ACAD9: variants seen among roughly 807,000 people sequenced by gnomAD.
The protein encoded by ACAD9 is complex I assembly factor ACAD9, mitochondrial.
Under a neutral mutation model 70.2 loss-of-function variants are expected in ACAD9, and 53 were observed. The ratio of observed to expected loss-of-function variants is 0.75; its 90% CI spans 0.61 to 0.95. The LOEUF is 0.95. Ranked by LOEUF, ACAD9 falls within the 40% of genes least tolerant of loss-of-function variation. The probability of loss-of-function intolerance (pLI) is 0.00; values close to 1 mark genes in which losing one functional copy is unlikely to be tolerated. For synonymous variants in ACAD9, 313 were observed against 312.1 expected (o/e 1.00, Z -0.03); for missense variants, 777 against 802.8 (o/e 0.97, Z 0.39).
At chr3:128,891,611 A>C (rs1935423769) in intron 2 of ACAD9, among the ~76,000 whole-genome samples, 1 of 152,092 alleles carries the variant, frequency 6.6e-6, no homozygotes, top group South Asian at 2.1e-4. Context: ...ACAGAGCGAG[A>C]CTCCATCTCG....
Position 128,884,722 on chromosome 3 carries a change from G to A in ACAD9, c.220G>A (p.Val74Met), listed in dbSNP as rs779258809. ...LNEINQFLGP[V>M]EKFFTEEVDS... ...TGAAATCAATCAGTTCTTGGGACCC[G>A]TGGAAAAATTCTTCACTGAAGAGGG... Residue 74 changes from valine to methionine, a missense_variant, in exon 2 of 18, where the codon GTG becomes ATG. Coordinates refer to ENST00000308982, the MANE Select transcript of ACAD9 (RefSeq NM_014049.5). 1.6e-5 allele frequency: 26 copies of A among 1,613,298 alleles called. No individual in the cohort carries two copies. The highest frequency in any genetic ancestry group is 1.1e-4 in the East Asian group (5 of 44,870).
chr3:128,899,226 A>C, intron 6 of ACAD9, 61 bp from the exon 7 acceptor site: 1 of 1,570,998 alleles, frequency 6.4e-7, no homozygotes, highest in Non-Finnish European at 8.8e-7. Flanking sequence ...GGACAAAGAC[A>C]GAGCTGAGGT....
At position 128,906,338 on chromosome 3, in the gene ACAD9, G is replaced by A. The variant is rs77143896; in HGVS notation, c.1278+89G>A. ...TGCTCAGGGCCTCGCAGAGGCCCCCGCAGCCCAGGGCTGGGTCGCATGCTC... is the reference window on the plus strand; with the variant it reads ...TGCTCAGGGCCTCGCAGAGGCCCCCACAGCCCAGGGCTGGGTCGCATGCTC... On this transcript the variant is annotated intron_variant, in intron 12 of 17. Coordinates refer to ENST00000308982, the MANE Select transcript of ACAD9 (RefSeq NM_014049.5). The A allele has an allele frequency of 5.9e-4, 928 of 1,577,928 alleles. 2 individuals carry two copies. In the African/African-American group the frequency reaches 0.011, roughly 19 times the overall value.
Position 128,905,148 on chromosome 3 carries a change from C to A in ACAD9, c.1149+643C>A, listed in dbSNP as rs535858802. On this transcript the variant is annotated intron_variant, in intron 11 of 17. Transcript: ENST00000308982. ...AGGCAACAAGAGCAAAACTCCATCT[C>A]AAAAAAAAACAAAAAACAAAAAACA... Among the ~76,000 whole-genome samples, 7 of 147,962 alleles carry A rather than the reference C, an allele frequency of 4.7e-5. No individual in the cohort carries two copies. The East Asian group carries it at 1.3e-3, about 27-fold the overall frequency.
At chr3:128,888,889 G>T (rs1935330604) in intron 2 of ACAD9, among the ~76,000 whole-genome samples, 1 of 124,542 alleles carries the variant, frequency 8.0e-6, no homozygotes, top group Non-Finnish European at 1.6e-5. Flanking sequence ...TTTCCTATGT[G>T]GTTTGTCAGG....
chr3:128,886,179 T>A (rs1399987999), intron 2 of ACAD9, among the ~76,000 whole-genome samples: 1 of 151,374 alleles, frequency 6.6e-6, no homozygotes, highest in Non-Finnish European at 1.5e-5. Context: ...CTCGACTCAC[T>A]GCAACCTCTA....
intron 12 of ACAD9, among the ~76,000 whole-genome samples, chr3:128,907,199 T>C (rs1321822453): frequency 6.6e-6 from 1 of 152,072 alleles, no homozygotes; most frequent in Admixed American, 6.5e-5. Flanking sequence ...GAGTGTAGTC[T>C]TGTCTCCTGG....
chr3:128,889,048 A>G (rs1254217711), intron 2 of ACAD9, among the ~76,000 whole-genome samples: 2 of 151,564 alleles, frequency 1.3e-5, no homozygotes, highest in East Asian at 1.9e-4. Context: ...TTTCTACTGT[A>G]TCTTTTCTAT....
intron 6 of ACAD9, among the ~76,000 whole-genome samples, chr3:128,897,917 G>A (rs1488243329): frequency 6.6e-6 from 1 of 151,300 alleles, no homozygotes; most frequent in Non-Finnish European, 1.5e-5. Context: ...GTGCAGTGGT[G>A]TAATCTCAGC....
At chr3:128,911,347 C>T (rs1159051816) in intron 17 of ACAD9, among the ~76,000 whole-genome samples, 11 of 150,620 alleles carry the variant, frequency 7.3e-5, no homozygotes, top group Admixed American at 1.3e-4. Flanking sequence ...CATGAGCCAC[C>T]GCACCGGGCC....
chr3:128,886,027 AT>A (rs1301638467), intron 2 of ACAD9, among the ~76,000 whole-genome samples: 5 of 150,584 alleles, frequency 3.3e-5, no homozygotes, highest in African/African-American at 9.8e-5. Context: ...AAAAAAAAAA[AT>A]AAAATATACT....
intron 11 of ACAD9, among the ~76,000 whole-genome samples, chr3:128,904,990 C>CA (rs1225987533): frequency 6.6e-6 from 1 of 151,852 alleles, no homozygotes. Flanking sequence ...ACTAAAAACA[C>CA]AAAAAATTAG....
Position 128,902,376 on chromosome 3 carries a change from T to G in ACAD9, c.883-177T>G, listed in dbSNP as rs1439248620. On this transcript the variant is annotated intron_variant, in intron 8 of 17. Coordinates refer to ENST00000308982, the MANE Select transcript of ACAD9 (RefSeq NM_014049.5). The surrounding 1 kb of genome is among the most constrained non-coding windows in gnomAD (Gnocchi z 4.0). Reference sequence around the variant, plus strand: ...TTTGGAATAACGTTCAGTGGTCTTGTGTGTGGGGATGTTGGTAGAGCTGCA... The same window carrying G: ...TTTGGAATAACGTTCAGTGGTCTTGGGTGTGGGGATGTTGGTAGAGCTGCA... Among the ~76,000 whole-genome samples, 1 of 152,098 alleles carries G rather than the reference T, an allele frequency of 6.6e-6. No individual in the cohort carries two copies. The highest frequency in any genetic ancestry group is 6.5e-5 in the Admixed American group (1 of 15,270).
In ACAD9 at chr3:128,909,970, G is replaced by A. The variant is rs115174494; in HGVS notation, c.1564-51G>A. The A allele has an allele frequency of 0.016, 24,937 of 1,605,254 alleles. 209 individuals carry two copies. Among genetic ancestry groups the A allele is most frequent in the Non-Finnish European group, 0.018 (21,144 of 1,176,444 alleles). Reference sequence around the variant, plus strand: ...GATGCAGCCCAGGGAGGGACCATGTGGGGGACTGGTCTAGGTAGTGAGTCC... The same window carrying A: ...GATGCAGCCCAGGGAGGGACCATGTAGGGGACTGGTCTAGGTAGTGAGTCC... On this transcript the variant is annotated intron_variant, in intron 15 of 17. Transcript: ENST00000308982.
intron 5 of ACAD9, among the ~76,000 whole-genome samples, chr3:128,897,096 A>G (rs1935589087): frequency 6.6e-6 from 1 of 152,162 alleles, no homozygotes; most frequent in Admixed American, 6.5e-5. Context: ...GTTTAAACCT[A>G]AGCCCAAGTT....
chr3:128,908,263 C>T lies in ACAD9; in HGVS notation c.1357C>T (p.His453Tyr), dbSNP rs1158774287. 2 of 1,614,034 alleles carry T rather than the reference C, an allele frequency of 1.2e-6. No individual in the cohort carries two copies. Among genetic ancestry groups the T allele is most frequent in the Non-Finnish European group, 1.7e-6 (2 of 1,180,028 alleles). ...HAGRILTTRI[H>Y]ELKQAKVSTV... ...CGGCCGCATCCTGACTACCAGGATC[C>T]AGTAGGTGCCATTGTCACCGTGTGC... The change falls in exon 13 of 18, where the codon CAT becomes TAT. Residue 453 changes from histidine to tyrosine, a missense_variant and splice_region_variant. Transcript: ENST00000308982.
intron 5 of ACAD9, 112 bp downstream of exon 5, chr3:128,896,648 A>G (rs1935578695): frequency 1.9e-6 from 2 of 1,057,144 alleles, no homozygotes; most frequent in East Asian, 2.6e-5. Flanking sequence ...TCTTTCCAAA[A>G]TCTTGCAAAG....
chr3:128,909,810 TA>T (rs1481032655), intron 15 of ACAD9: 1 of 709,974 alleles, frequency 1.4e-6, no homozygotes, highest in African/African-American at 1.8e-5. Flanking sequence ...GGTCTTGCCT[TA>T]ACCCCTCCCT....
Position 128,897,056 on chromosome 3 carries a change from G to A in ACAD9, c.554+520G>A, listed in dbSNP as rs532059765. Among the ~76,000 whole-genome samples, 5 of 152,318 alleles carry A rather than the reference G, an allele frequency of 3.3e-5. No individual in the cohort carries two copies. The East Asian group carries it at 7.7e-4, about 24-fold the overall frequency. ...CAGAACTCATCCTCACAGGACCTCAGATGAGCCCATTGCAAGCACCCATTT... is the reference window on the plus strand; with the variant it reads ...CAGAACTCATCCTCACAGGACCTCAAATGAGCCCATTGCAAGCACCCATTT... On this transcript the variant is annotated intron_variant, in intron 5 of 17. Transcript: ENST00000308982.
Sources: gnomAD v4.1 joint callset for allele counts (sites outside exome capture counted in the v4.1 genomes callset) on GRCh38, gnomAD v4.1.1 for gene constraint, Gnocchi (gnomAD v3.1) non-coding constraint, MANE v1.5 for transcripts, NCBI Gene and HGNC (gene_info 2026-07-23, HGNC 2026-07-21) for gene names.